The following NEK7 variants were observed in gnomAD, a reference collection of about 807,000 sequenced individuals.
The protein encoded by NEK7 is NIMA related kinase 7, also known as serine/threonine-protein kinase Nek7.
A neutral mutation model predicts 44.6 loss-of-function variants in NEK7; 18 were observed. The ratio of observed to expected loss-of-function variants is 0.40; its 90% CI spans 0.28 to 0.60. The LOEUF (loss-of-function observed/expected upper bound fraction) is 0.60. Ranked by LOEUF, NEK7 falls within the 20% of genes least tolerant of loss-of-function variation. The pLI, the probability that NEK7 is intolerant of heterozygous loss-of-function variation, is 0.38. For synonymous variants in NEK7, 130 were observed against 121.1 expected, an observed-to-expected ratio of 1.07 and a Z score of -0.48; for missense variants, 256 against 366.5, an observed-to-expected ratio of 0.70 and a Z score of 2.46.
At chr1:198,188,153 A>G (rs1301762638) in intron 1 of NEK7, among the ~76,000 whole-genome samples, 1 of 152,218 alleles carries the variant, frequency 6.6e-6, no homozygotes, top group African/African-American at 2.4e-5. Flanking sequence ...GTCGTTGTCT[A>G]TCTCAGCACA....
rs968002753 is a variant in NEK7 at position 198,179,226 on chromosome 1, C to A, written c.-29+21950C>A. The stretch of plus-strand genomic sequence containing the variant: ...GGCATTCTATATACTATAGTGATTT[C>A]TTAAATGAAAACATTATTTGGAAAC... On this transcript the variant is annotated intron_variant, in intron 1 of 9. Coordinates refer to ENST00000367385, the MANE Select transcript of NEK7 (RefSeq NM_133494.3). Among the ~76,000 whole-genome samples, 134 of 151,934 alleles carry A rather than the reference C, an allele frequency of 8.8e-4. 1 individual carries two copies. Among genetic ancestry groups the A allele is most frequent in the African/African-American group, 3.2e-3 (132 of 41,374 alleles).
At chr1:198,179,992 A>C (rs1182827667) in intron 1 of NEK7, among the ~76,000 whole-genome samples, 1 of 152,106 alleles carries the variant, frequency 6.6e-6, no homozygotes, top group Non-Finnish European at 1.5e-5. Flanking sequence ...TAATCTGGAA[A>C]TTATTTCCCA....
intron 1 of NEK7, among the ~76,000 whole-genome samples, chr1:198,169,417 T>C (rs1196230601): frequency 1.3e-5 from 2 of 152,192 alleles, no homozygotes; most frequent in African/African-American, 4.8e-5. Context: ...TAAAAATATT[T>C]AAGTTTTTAT....
chr1:198,294,832 A>G (rs1303714679), intron 8 of NEK7, among the ~76,000 whole-genome samples: 1 of 152,200 alleles, frequency 6.6e-6, no homozygotes, highest in East Asian at 1.9e-4. Flanking sequence ...TGATTTCTCC[A>G]TGCAAATCTT....
chr1:198,170,558 T>C (rs1415196595), intron 1 of NEK7, among the ~76,000 whole-genome samples: 1 of 152,212 alleles, frequency 6.6e-6, no homozygotes, highest in African/African-American at 2.4e-5. Flanking sequence ...TTTTATTCCT[T>C]AAAGGTATGA....
intron 5 of NEK7, among the ~76,000 whole-genome samples, chr1:198,272,073 G>A (rs1359858583): frequency 2.0e-5 from 3 of 151,270 alleles, no homozygotes; most frequent in African/African-American, 7.3e-5. Context: ...TAAGAGCAAT[G>A]TTACAGATAA....
chr1:198,258,415 G>A (rs1384670971), intron 3 of NEK7, among the ~76,000 whole-genome samples: 1 of 152,116 alleles, frequency 6.6e-6, no homozygotes, highest in Non-Finnish European at 1.5e-5. Flanking sequence ...CTCCAGCCTG[G>A]AGACAAAGCA....
intron 1 of NEK7, among the ~76,000 whole-genome samples, chr1:198,173,872 T>C (rs1242394251): frequency 6.6e-6 from 1 of 152,230 alleles, no homozygotes; most frequent in East Asian, 1.9e-4. Flanking sequence ...TTAATTTTTC[T>C]TATTCTTTGG....
intron 7 of NEK7, among the ~76,000 whole-genome samples, chr1:198,287,175 T>A (rs958797628): frequency 3.9e-5 from 6 of 152,066 alleles, no homozygotes; most frequent in African/African-American, 1.4e-4. Context: ...TTAGGTGAAA[T>A]TGTTTAAAAG....
intron 7 of NEK7, among the ~76,000 whole-genome samples, chr1:198,284,862 G>T (rs545168714): frequency 4.5e-4 from 68 of 152,126 alleles, no homozygotes; most frequent in African/African-American, 1.5e-3. Flanking sequence ...AGAATCCTCT[G>T]TTGCTACTAA....
chr1:198,271,943 A>G (rs1468678282), intron 5 of NEK7, among the ~76,000 whole-genome samples: 1 of 148,388 alleles, frequency 6.7e-6, no homozygotes, highest in Non-Finnish European at 1.5e-5. Flanking sequence ...ACACACACAC[A>G]TAGATACATT....
intron 2 of NEK7, among the ~76,000 whole-genome samples, chr1:198,233,254 T>A (rs998106031): frequency 1.3e-5 from 2 of 152,172 alleles, no homozygotes; most frequent in African/African-American, 4.8e-5. Flanking sequence ...TGTGATATAT[T>A]TGCTTGTTTC....
At chr1:198,271,561 C>T (rs2102967176) in intron 5 of NEK7, among the ~76,000 whole-genome samples, 1 of 152,028 alleles carries the variant, frequency 6.6e-6, no homozygotes, top group South Asian at 2.1e-4. Context: ...AATAAAATCA[C>T]TTTGAAATGT....
At chr1:198,301,619 A>C (rs1352516600) in intron 9 of NEK7, among the ~76,000 whole-genome samples, 2 of 152,254 alleles carry the variant, frequency 1.3e-5, no homozygotes, top group East Asian at 3.8e-4. Context: ...TTTGGAAGAA[A>C]GTTCTGTAAG....
chr1:198,175,052 C>T (rs868037210), intron 1 of NEK7, among the ~76,000 whole-genome samples: 8 of 152,136 alleles, frequency 5.3e-5, no homozygotes, highest in Admixed American at 3.9e-4. Context: ...GGCACTGTAC[C>T]GTGCCTGTTA....
chr1:198,218,093 A>C (rs1665977234), intron 1 of NEK7, among the ~76,000 whole-genome samples: 1 of 152,044 alleles, frequency 6.6e-6, no homozygotes, highest in South Asian at 2.1e-4. Context: ...ATATGGAACC[A>C]AAAAGCCCAA....
chr1:198,247,534 A>G (rs956664142), intron 2 of NEK7, among the ~76,000 whole-genome samples: 1 of 152,146 alleles, frequency 6.6e-6, no homozygotes, highest in Non-Finnish European at 1.5e-5. Context: ...ACCTTCTATC[A>G]TTGTTGTAGT....
chr1:198,279,158 T>C (rs1357826609), intron 7 of NEK7, 97 bp downstream of exon 7: 5 of 724,836 alleles, frequency 6.9e-6, no homozygotes, highest in Non-Finnish European at 4.7e-6. Context: ...ACATTCTTAA[T>C]AAAACTATTT....
intron 1 of NEK7, among the ~76,000 whole-genome samples, chr1:198,162,541 A>T (rs897479873): frequency 7.9e-5 from 12 of 152,126 alleles, no homozygotes; most frequent in African/African-American, 2.9e-4. Context: ...TTGTAAATGT[A>T]TGGTAGCAGG....
Sources: allele counts gnomAD v4.1 joint callset (sites outside exome capture counted in the v4.1 genomes callset), GRCh38; gene constraint gnomAD v4.1.1; transcripts MANE v1.5; gene names NCBI Gene and HGNC (gene_info 2026-07-23, HGNC 2026-07-21).